Variants in CLSTN2 observed in about 807,000 individuals in gnomAD.
The protein encoded by CLSTN2 is calsyntenin 2.
CLSTN2 carries 48 observed loss-of-function variants against 101.2 expected under a neutral mutation model. That is an observed-to-expected ratio of 0.47 (90% CI 0.38 to 0.60). CLSTN2 has a LOEUF of 0.60. CLSTN2 is among the 20% of genes least tolerant of loss of function. The probability of loss-of-function intolerance (pLI) is 0.00; values close to 1 mark genes in which losing one functional copy is unlikely to be tolerated. For synonymous variants in CLSTN2, 481 were observed against 463.6 expected (o/e 1.04, Z -0.48); for missense variants, 1,160 against 1,238.2 (o/e 0.94, Z 0.95).
chr3:140,182,496 C>A (rs2010424728), intron 2 of CLSTN2, among the ~76,000 whole-genome samples: 1 of 152,168 alleles, frequency 6.6e-6, no homozygotes, highest in Non-Finnish European at 1.5e-5. Flanking sequence ...GCTCTCTGAG[C>A]TCGGACCTCG....
At chr3:140,021,992 A>G (rs537734274) in intron 1 of CLSTN2, among the ~76,000 whole-genome samples, 22 of 152,322 alleles carry the variant, frequency 1.4e-4, no homozygotes, top group Non-Finnish European at 5.9e-5. Flanking sequence ...CTTTTCTGAC[A>G]GGAAGTCACC....
chr3:140,024,039 G>T (rs2007371066), intron 1 of CLSTN2, among the ~76,000 whole-genome samples: 1 of 152,178 alleles, frequency 6.6e-6, no homozygotes, highest in South Asian at 2.1e-4. Flanking sequence ...AACTGCTTGG[G>T]TGTGAACCCC....
intron 5 of CLSTN2, among the ~76,000 whole-genome samples, chr3:140,445,745 G>GGTTAGAT (rs1231996099): frequency 6.6e-6 from 1 of 152,128 alleles, no homozygotes; most frequent in African/African-American, 2.4e-5. Flanking sequence ...CAGCAATCAA[G>GGTTAGAT]GTTAGATGTC....
intron 4 of CLSTN2, among the ~76,000 whole-genome samples, chr3:140,418,545 T>G (rs2088457500): frequency 7.2e-6 from 1 of 138,744 alleles, no homozygotes; most frequent in Admixed American, 7.7e-5. Flanking sequence ...TGAGACGGAG[T>G]CTCACTCTGT....
chr3:140,100,980 G>A (rs190410359), intron 1 of CLSTN2, among the ~76,000 whole-genome samples: 145 of 152,270 alleles, frequency 9.5e-4, no homozygotes, highest in Admixed American at 4.7e-3. Flanking sequence ...CTACAGGCCT[G>A]TGTGCAAAGC....
intron 2 of CLSTN2, among the ~76,000 whole-genome samples, chr3:140,325,594 C>T (rs1459813590): frequency 5.9e-5 from 9 of 152,212 alleles, no homozygotes; most frequent in Non-Finnish European, 2.9e-5. Flanking sequence ...AAAATTTATT[C>T]AAAGACCTGT....
chr3:140,354,871 A>G (rs1296189758), intron 2 of CLSTN2, among the ~76,000 whole-genome samples: 1 of 152,216 alleles, frequency 6.6e-6, no homozygotes, highest in Admixed American at 6.5e-5. Context: ...ATAAGGTAGC[A>G]CTTCTGGAGA....
intron 1 of CLSTN2, among the ~76,000 whole-genome samples, chr3:140,056,418 A>G (rs777291649): frequency 2.0e-5 from 3 of 152,212 alleles, no homozygotes; most frequent in African/African-American, 7.2e-5. Flanking sequence ...CTTCTCTGTC[A>G]TAAACCATGC....
chr3:139,990,212 C>T (rs904957084), intron 1 of CLSTN2, among the ~76,000 whole-genome samples: 1 of 152,128 alleles, frequency 6.6e-6, no homozygotes, highest in African/African-American at 2.4e-5. Flanking sequence ...CATTACTAGT[C>T]CTGAAAATTG....
intron 1 of CLSTN2, among the ~76,000 whole-genome samples, chr3:140,127,741 G>A (rs1046869130): frequency 7.2e-5 from 11 of 152,134 alleles, no homozygotes; most frequent in African/African-American, 1.2e-4. Flanking sequence ...AATAGGACTG[G>A]CCTCATGGGG....
At chr3:140,205,614 A>ACCCC (rs1286516086) in intron 2 of CLSTN2, among the ~76,000 whole-genome samples, 48 of 66,792 alleles carry the variant, frequency 7.2e-4, no homozygotes, top group Non-Finnish European at 1.1e-3. Context: ...TTTGGACCTG[A>ACCCC]CCCGCCCCCC....
intron 2 of CLSTN2, among the ~76,000 whole-genome samples, chr3:140,205,626 C>CCCCG (rs1471570483): frequency 1.8e-5 from 2 of 110,614 alleles, no homozygotes; most frequent in African/African-American, 3.2e-5. Context: ...CCGCCCCCCA[C>CCCCG]CCACACACAC....
At chr3:140,321,278 C>T (rs2087280955) in intron 2 of CLSTN2, among the ~76,000 whole-genome samples, 2 of 152,148 alleles carry the variant, frequency 1.3e-5, no homozygotes, top group African/African-American at 4.8e-5. Context: ...GTAAATCTAA[C>T]CCCATGCTCA....
At chr3:140,151,870 G>C (rs6439897) in intron 1 of CLSTN2, among the ~76,000 whole-genome samples, 3,420 of 152,264 alleles carry the variant, frequency 0.022, 119 homozygotes, top group African/African-American at 0.079. Flanking sequence ...ATTCAGAGAA[G>C]ATACATTCTT....
chr3:140,539,698 A>G (rs140446543), intron 9 of CLSTN2, among the ~76,000 whole-genome samples: 2 of 152,178 alleles, frequency 1.3e-5, no homozygotes, highest in Non-Finnish European at 2.9e-5. Context: ...AGCATCTTAC[A>G]TGTGTTCTCA....
At chr3:140,420,277 G>C (rs1042092086) in intron 4 of CLSTN2, among the ~76,000 whole-genome samples, 1 of 149,096 alleles carries the variant, frequency 6.7e-6, no homozygotes, top group African/African-American at 2.5e-5. Context: ...CTAATTTGCT[G>C]TCAACTCTGC....
At position 139,994,505 on chromosome 3, in the gene CLSTN2, G is replaced by C. The variant is rs147644995; in HGVS notation, c.109+59022G>C. Among the ~76,000 whole-genome samples the C allele has an allele frequency of 9.1e-3, 1,390 of 152,256 alleles. 7 individuals carry two copies. Among genetic ancestry groups the C allele is most frequent in the Non-Finnish European group, 0.015 (1,012 of 68,002 alleles). On this transcript the variant is annotated intron_variant, in intron 1 of 16. Transcript: ENST00000458420. ...CCTGGGCCACCACGTAAAGTATTCTGTCTTTATTATTCTTATATGGAGACA... is the reference window on the plus strand; with the variant it reads ...CCTGGGCCACCACGTAAAGTATTCTCTCTTTATTATTCTTATATGGAGACA...
Position 140,563,081 on chromosome 3 carries a change from T to C in CLSTN2, c.2360T>C (p.Val787Ala), listed in dbSNP as rs1376006579. 1 of 1,614,060 alleles carries C rather than the reference T, an allele frequency of 6.2e-7. No homozygotes were observed. The highest frequency in any genetic ancestry group is 8.5e-7 in the Non-Finnish European group (1 of 1,179,976). ...AGCACCTCTCCCCACTCTTCCCAGG[T>C]CAGCATCCTTCATGAAGACCAAGTC... ...RYTSNEFNLEVSILHEDQVSD... is the reference protein window; with the variant it reads ...RYTSNEFNLEASILHEDQVSD... Residue 787 changes from valine (V) to alanine (A), a missense_variant and splice_region_variant, in exon 15 of 17, where the codon GTC becomes GCC. Coordinates refer to ENST00000458420, the MANE Select transcript of CLSTN2 (RefSeq NM_022131.3).
At chr3:139,996,832 G>C (rs185088643) in intron 1 of CLSTN2, among the ~76,000 whole-genome samples, 56 of 152,118 alleles carry the variant, frequency 3.7e-4, no homozygotes, top group African/African-American at 1.3e-3. Context: ...TGGATCACCT[G>C]AGGTCAGGAG....
Sources: allele counts gnomAD v4.1 joint callset (sites outside exome capture counted in the v4.1 genomes callset), GRCh38; gene constraint gnomAD v4.1.1; transcripts MANE v1.5; gene names NCBI Gene and HGNC (gene_info 2026-07-23, HGNC 2026-07-21).